Variants in CAPN15 observed in about 807,000 individuals in gnomAD.
CAPN15 encodes calpain-15.
Under a neutral mutation model 97.9 loss-of-function variants are expected in CAPN15, and 53 were observed. That is an observed-to-expected ratio of 0.54 (90% CI 0.43 to 0.68). The LOEUF is 0.68. CAPN15 is among the 30% of genes least tolerant of loss of function. The probability of loss-of-function intolerance (pLI) is 0.00; values close to 1 mark genes in which losing one functional copy is unlikely to be tolerated. For missense variants in CAPN15, 1,592 were observed against 1,589.8 expected (o/e 1.00, Z -0.02); for synonymous variants, 922 against 722.5 (o/e 1.28, Z -4.43).
chr16:548,905 T>G, intron 4 of CAPN15, 88 bp from the exon 5 acceptor site: 1 of 1,235,114 alleles, frequency 8.1e-7, no homozygotes, highest in Non-Finnish European at 1.2e-6. Flanking sequence ...GCAGTGCTTT[T>G]GGGCGCTCTC....
rs565686396 is a variant in CAPN15 at position 553,659 on chromosome 16, C to T, written c.*143C>T. ...GCTGCCAGCCCAGGGCTCAGCTTCC[C>T]ATGGGCCCCCCGCCCCCCTCCTTCC... On this transcript the variant is annotated 3_prime_UTR_variant, in exon 14 of 14. Transcript: ENST00000219611. 5.5e-6 allele frequency: 3 copies of T among 542,642 alleles called. No individual in the cohort carries two copies. The highest frequency in any genetic ancestry group is 3.6e-5 in the Admixed American group (1 of 27,634). 33.6% of individuals were successfully genotyped at this position (542,642 alleles called of 1,614,324 possible). A position where few individuals can be genotyped will look rare whatever the true frequency, so the allele number is the denominator to read the frequency against.
chr16:547,838 G>T lies in CAPN15; in HGVS notation c.1000G>T (p.Ala334Ser). Residue 334 changes from alanine (A) to serine (S), a missense_variant, in exon 4 of 14, where the codon GCC becomes TCC. This residue lies in a region of CAPN15 where 883 missense variants were observed against 776.6 expected (regional missense o/e 1.14). Coordinates refer to ENST00000219611, the MANE Select transcript of CAPN15 (RefSeq NM_005632.3). ...LAGDTVRYTP[A>S]SPSSPDFTTW... Reference sequence around the variant, plus strand: ...CGGAGACACCGTGCGTTACACGCCCGCCAGCCCCTCCAGCCCCGACTTCAC... The same window carrying T: ...CGGAGACACCGTGCGTTACACGCCCTCCAGCCCCTCCAGCCCCGACTTCAC... 4 of 1,610,580 alleles carry T rather than the reference G, an allele frequency of 2.5e-6. No individual in the cohort carries two copies. The highest frequency in any genetic ancestry group is 8.5e-7 in the Non-Finnish European group (1 of 1,179,134).
intron 7 of CAPN15, 47 bp from the exon 8 acceptor site, chr16:551,255 C>T (rs1481694804): frequency 3.3e-6 from 5 of 1,523,154 alleles, no homozygotes; most frequent in Non-Finnish European, 4.4e-6. Flanking sequence ...GGTGAGGGTC[C>T]CCTGTCGGTG....
chr16:551,973 C>T (rs943899901), intron 9 of CAPN15, 78 bp from the exon 10 acceptor site: 15 of 1,447,670 alleles, frequency 1.0e-5, no homozygotes, highest in African/African-American at 2.8e-5. Context: ...GGTCACCGGC[C>T]TGTGGTTGCG....
Position 535,915 on chromosome 16 carries a change from G to T in CAPN15, c.-136-114G>T, listed in dbSNP as rs2033673838. On this transcript the variant is annotated intron_variant, in intron 2 of 13. Coordinates refer to ENST00000219611, the MANE Select transcript of CAPN15 (RefSeq NM_005632.3). This position sits in a 1 kb window ranked among gnomAD's most constrained non-coding sequence, Gnocchi z 6.2. ...CCAGGGCATGTCCCTGGGGTCAGGG[G>T]TCAGAGTTCGGCATGCTCTGCGGGG... 1 of 182,078 alleles carries T rather than the reference G, an allele frequency of 5.5e-6. No individual in the cohort carries two copies. Among genetic ancestry groups the T allele is most frequent in the South Asian group, 1.8e-4 (1 of 5,470 alleles). The allele number at this position is 182,078 out of a possible 1,614,324, so 11.3% of individuals were successfully genotyped here. A position where few individuals can be genotyped will look rare whatever the true frequency, so the allele number is the denominator to read the frequency against.
Position 547,287 on chromosome 16 carries a change from C to G in CAPN15, c.449C>G (p.Pro150Arg). ...GAGCCCAGAGGGGGCTGGGCGTGTC[C>G]GCGTTGCACGCTGCACAACACGCCC... ...AAEPRGGWAC[P>R]RCTLHNTPVA... is the part of the protein sequence containing the mutation. Residue 150 changes from proline (P) to arginine (R), a missense_variant, in exon 4 of 14, where the codon CCG becomes CGG. Physicochemically the swap from Pro to Arg is moderately radical, Grantham distance 103. This residue lies in a region of CAPN15 where 883 missense variants were observed against 776.6 expected (regional missense o/e 1.14). Transcript: ENST00000219611. 6.6e-7 allele frequency: 1 copy of G among 1,511,194 alleles called. No homozygotes were observed. The highest frequency in any genetic ancestry group is 8.8e-7 in the Non-Finnish European group (1 of 1,134,250). 93.6% of individuals were successfully genotyped at this position (1,511,194 alleles called of 1,614,324 possible).
chr16:543,837 G>A (rs1468605460), intron 3 of CAPN15, among the ~76,000 whole-genome samples: 1 of 152,184 alleles, frequency 6.6e-6, no homozygotes, highest in Non-Finnish European at 1.5e-5. Context: ...AGAGCTGCCT[G>A]CCTGGCTCGC....
chr16:551,878 A>G, intron 9 of CAPN15, 173 bp from the exon 10 acceptor site: 1 of 971,304 alleles, frequency 1.0e-6, no homozygotes, highest in Non-Finnish European at 1.6e-6. Context: ...CCGGCCCTGG[A>G]GGGCTTCCTA....
chr16:540,762 G>A (rs921111215), intron 3 of CAPN15, among the ~76,000 whole-genome samples: 1 of 152,226 alleles, frequency 6.6e-6, no homozygotes, highest in Non-Finnish European at 1.5e-5. Context: ...CCCCCCCGGG[G>A]GTCACAGGCC....
At chr16:545,071 G>A (rs569966102) in intron 3 of CAPN15, among the ~76,000 whole-genome samples, 9 of 151,922 alleles carry the variant, frequency 5.9e-5, no homozygotes, top group East Asian at 2.0e-4. Context: ...GGCTCCTGAC[G>A]CGAGCTTTTA....
In CAPN15 at chr16:550,962, G is replaced by T. The variant is rs112646660; in HGVS notation, c.2067-340G>T. 9.6e-5 allele frequency among the ~76,000 whole-genome samples: 11 copies of T among 115,024 alleles called. 1 individual carries two copies. Among genetic ancestry groups the T allele is most frequent in the African/African-American group, 4.8e-4 (11 of 22,960 alleles). 75.5% of individuals were successfully genotyped at this position (115,024 alleles called of 152,430 possible). On this transcript the variant is annotated intron_variant, in intron 7 of 13. Transcript: ENST00000219611. ...AGGGTCCCCTGTCTGTGAGGGCCCC[G>T]GTCGGTGAGGGTCCCCTGTTGGTGA... is the stretch of plus-strand genomic sequence containing the variant.
chr16:553,267 G>C, intron 13 of CAPN15, 72 bp from the exon 14 acceptor site: 1 of 1,081,522 alleles, frequency 9.2e-7, no homozygotes, highest in East Asian at 2.6e-5. Flanking sequence ...TCCTGCCCCT[G>C]TACAGGTGGG....
At chr16:531,589 C>G (rs555846292) in intron 1 of CAPN15, among the ~76,000 whole-genome samples, 1 of 145,908 alleles carries the variant, frequency 6.9e-6, no homozygotes, top group African/African-American at 2.8e-5. Flanking sequence ...TAGGGCCACA[C>G]GGCTCCCAAG....
At chr16:541,727 C>A (rs55671249) in intron 3 of CAPN15, among the ~76,000 whole-genome samples, 13,308 of 152,324 alleles carry the variant, frequency 0.087, 606 homozygotes, top group Non-Finnish European at 0.11. Context: ...CACAGGGACC[C>A]CCAGCCCCAC....
At position 553,872 on chromosome 16, in the gene CAPN15, G is replaced by A. The variant is rs556472699; in HGVS notation, c.*356G>A. On this transcript the variant is annotated 3_prime_UTR_variant, in exon 14 of 14. Transcript: ENST00000219611. ...GGCTAGGCAGCCAGGAGCTCTGTCC[G>A]CAAAACCAAATCTGGGTGTCAGAGG... 14 of 222,788 alleles carry A rather than the reference G, an allele frequency of 6.3e-5. No homozygotes were observed. Among genetic ancestry groups the A allele is most frequent in the South Asian group, 1.2e-4 (1 of 8,308 alleles). 13.8% of individuals were successfully genotyped at this position (222,788 alleles called of 1,614,324 possible).
At chr16:529,087 G>C (rs1195767876) in intron 1 of CAPN15, among the ~76,000 whole-genome samples, 2 of 152,122 alleles carry the variant, frequency 1.3e-5, no homozygotes, top group African/African-American at 4.8e-5. Context: ...CTGGCCTTGG[G>C]TTGGGTGTGC....
intron 3 of CAPN15, chr16:537,757 G>T (rs2033831826): frequency 6.6e-6 from 1 of 152,376 alleles, no homozygotes; most frequent in South Asian, 2.1e-4. Context: ...CACGCGAGAG[G>T]CCCTGGGTTG....
intron 6 of CAPN15, 24 bp downstream of exon 6, chr16:549,495 A>G: frequency 6.5e-7 from 1 of 1,533,672 alleles, no homozygotes. Context: ...CAGGGTGGGC[A>G]CGGGCGGCAG....
intron 7 of CAPN15, among the ~76,000 whole-genome samples, chr16:550,933 G>A (rs1260579362): frequency 2.6e-5 from 3 of 116,822 alleles, no homozygotes; most frequent in Middle Eastern, 6.0e-3. Flanking sequence ...GTCCCCTTTC[G>A]GTGAGGGTCC....
Sources: gnomAD v4.1 joint callset for allele counts (sites outside exome capture counted in the v4.1 genomes callset) on GRCh38, gnomAD v4.1.1 for gene constraint, gnomAD v4.1.1 regional missense constraint, Gnocchi (gnomAD v3.1) non-coding constraint, MANE v1.5 for transcripts, NCBI Gene and HGNC (gene_info 2026-07-23, HGNC 2026-07-21) for gene names.